The following PARP15 variants were observed in gnomAD, a reference collection of about 807,000 sequenced individuals.
PARP15 encodes protein mono-ADP-ribosyltransferase PARP15.
A neutral mutation model predicts 62.1 loss-of-function variants in PARP15; 50 were observed. The observed-to-expected ratio is 0.81, with a 90% CI of 0.64 to 1.02. PARP15 has a LOEUF of 1.02. PARP15 is among the 50% of genes least tolerant of loss of function. The pLI is 0.00. For missense variants in PARP15, 820 were observed against 826.5 expected (o/e 0.99, Z 0.10); for synonymous variants, 309 against 293.1 (o/e 1.05, Z -0.55).
Position 122,626,824 on chromosome 3 carries a change from C to G in PARP15, c.1232-3C>G. On this transcript the variant is annotated splice_polypyrimidine_tract_variant and splice_region_variant and intron_variant, in intron 8 of 11. Transcript: ENST00000464300. ...CTTCTTTGTCATTAAATTTTTTTTT[C>G]AGGAAATGCCGGAAAAAACCCTATC... is the stretch of plus-strand genomic sequence containing the variant. The G allele has an allele frequency of 6.3e-7, 1 of 1,596,976 alleles. No individual in the cohort carries two copies. The highest frequency in any genetic ancestry group is 8.5e-7 in the Non-Finnish European group (1 of 1,175,238).
chr3:122,580,692 C>T (rs1411684482), intron 1 of PARP15, among the ~76,000 whole-genome samples: 1 of 152,098 alleles, frequency 6.6e-6, no homozygotes, highest in African/African-American at 2.4e-5. Context: ...AATTTCCTTC[C>T]TTTTTAAGGC....
chr3:122,591,435 G>A (rs1933899591), intron 1 of PARP15, among the ~76,000 whole-genome samples: 1 of 152,148 alleles, frequency 6.6e-6, no homozygotes, highest in Admixed American at 6.5e-5. Context: ...TTCAGGGTGG[G>A]AGTAACACAC....
At chr3:122,612,260 G>T (rs1208401053) in intron 3 of PARP15, among the ~76,000 whole-genome samples, 1 of 150,746 alleles carries the variant, frequency 6.6e-6, no homozygotes, top group Non-Finnish European at 1.5e-5. Flanking sequence ...TCACCATGTT[G>T]CCCAGGCTGG....
intron 2 of PARP15, among the ~76,000 whole-genome samples, chr3:122,609,742 T>C (rs1935428932): frequency 6.6e-6 from 1 of 150,658 alleles, no homozygotes; most frequent in Non-Finnish European, 1.5e-5. Context: ...GATGAGAGTG[T>C]TTGTCTCCTC....
intron 9 of PARP15, among the ~76,000 whole-genome samples, chr3:122,627,237 G>A (rs1936793240): frequency 6.6e-6 from 1 of 152,216 alleles, no homozygotes; most frequent in Non-Finnish European, 1.5e-5. Flanking sequence ...GCAAAATCAT[G>A]CCTGGGAAAT....
At chr3:122,603,891 G>A (rs1226956723) in intron 1 of PARP15, among the ~76,000 whole-genome samples, 3 of 152,164 alleles carry the variant, frequency 2.0e-5, no homozygotes, top group Non-Finnish European at 4.4e-5. Flanking sequence ...TCCTTTTTGA[G>A]TGAGATCAGG....
intron 9 of PARP15, among the ~76,000 whole-genome samples, chr3:122,629,095 G>A (rs138610808): frequency 3.9e-4 from 60 of 152,314 alleles, no homozygotes; most frequent in African/African-American, 1.3e-3. Flanking sequence ...AAGTGTGATT[G>A]GCTTAAGTGT....
In PARP15 at chr3:122,604,785, C is replaced by T. The variant is rs886070686; in HGVS notation, c.187-1151C>T. Among the ~76,000 whole-genome samples the T allele has an allele frequency of 5.9e-5, 9 of 152,174 alleles. No homozygotes were observed. In the South Asian group the frequency reaches 1.0e-3, roughly 18 times the overall value. ...TTGAGGCAGGAGAATCACTTGAACC[C>T]GGGAGGCAGAGGTTGCAGTGAGCCA... is the stretch of plus-strand genomic sequence containing the variant. On this transcript the variant is annotated intron_variant, in intron 1 of 11. Transcript: ENST00000464300.
chr3:122,583,605 T>C (rs558472875), intron 1 of PARP15, among the ~76,000 whole-genome samples: 1 of 152,330 alleles, frequency 6.6e-6, no homozygotes, highest in African/African-American at 2.4e-5. Flanking sequence ...TGTATCTGGG[T>C]TACAGTTAAG....
At chr3:122,626,427 T>C (rs1225992130) in intron 8 of PARP15, among the ~76,000 whole-genome samples, 1 of 152,082 alleles carries the variant, frequency 6.6e-6, no homozygotes, top group Non-Finnish European at 1.5e-5. Flanking sequence ...TTCAATCTCC[T>C]GACCTCGTGA....
chr3:122,619,673 A>G (rs1347883978), intron 6 of PARP15, 108 bp from the exon 7 acceptor site: 3 of 959,042 alleles, frequency 3.1e-6, no homozygotes, highest in East Asian at 2.4e-5. Context: ...GGGGTGGTCA[A>G]TGGATTATGC....
chr3:122,622,929 C>T lies in PARP15; in HGVS notation c.1231+1318C>T, dbSNP rs114372894. Reference sequence around the variant, plus strand: ...TAAATTCCTGGTCTTACAGCCACCACCATCATTTTAGCTCAACTCTGTAGA... The same window carrying T: ...TAAATTCCTGGTCTTACAGCCACCATCATCATTTTAGCTCAACTCTGTAGA... On this transcript the variant is annotated intron_variant, in intron 8 of 11. Transcript: ENST00000464300. Among the ~76,000 whole-genome samples, 464 of 152,248 alleles carry T rather than the reference C, an allele frequency of 3.0e-3. 2 individuals carry two copies. The highest frequency in any genetic ancestry group is 5.1e-3 in the Non-Finnish European group (347 of 68,016).
chr3:122,615,193 CACACGACCA>C, intron 4 of PARP15: 6 of 1,249,840 alleles, frequency 4.8e-6, no homozygotes, highest in Non-Finnish European at 6.2e-6. Context: ...TTTTATCACT[CACACGACCA>C]AAATGCCTTT....
chr3:122,592,260 A>T (rs900679697), intron 1 of PARP15, among the ~76,000 whole-genome samples: 7 of 152,274 alleles, frequency 4.6e-5, no homozygotes, highest in African/African-American at 1.7e-4. Context: ...CTATACTGCC[A>T]TAAAAAGGAT....
chr3:122,615,249 G>C, intron 4 of PARP15: 1 of 1,285,572 alleles, frequency 7.8e-7, no homozygotes, highest in Non-Finnish European at 1.0e-6. Context: ...TTCAATGTCT[G>C]AGGTTTTCTA....
intron 1 of PARP15, among the ~76,000 whole-genome samples, chr3:122,593,589 A>G (rs548292134): frequency 6.6e-6 from 1 of 152,350 alleles, no homozygotes; most frequent in East Asian, 1.9e-4. Flanking sequence ...GCATTTGTAC[A>G]TCTTTTGATG....
intron 6 of PARP15, among the ~76,000 whole-genome samples, chr3:122,619,439 A>G (rs1936195310): frequency 2.0e-5 from 3 of 152,270 alleles, no homozygotes; most frequent in Admixed American, 6.5e-5. Context: ...CATGCTTCTC[A>G]GTATCAGAAC....
At chr3:122,586,586 T>TTATTA (rs1933448492) in intron 1 of PARP15, among the ~76,000 whole-genome samples, 1 of 152,232 alleles carries the variant, frequency 6.6e-6, no homozygotes, top group African/African-American at 2.4e-5. Flanking sequence ...CATTCTTAAC[T>TTATTA]TAGAACTATT....
chr3:122,602,517 T>A (rs1934877610), intron 1 of PARP15, among the ~76,000 whole-genome samples: 1 of 152,190 alleles, frequency 6.6e-6, no homozygotes, highest in Non-Finnish European at 1.5e-5. Context: ...GGCACAACCT[T>A]AATAAATCAC....
Sources: gnomAD v4.1 joint callset for allele counts (sites outside exome capture counted in the v4.1 genomes callset) on GRCh38, gnomAD v4.1.1 for gene constraint, MANE v1.5 for transcripts, NCBI Gene and HGNC (gene_info 2026-07-23, HGNC 2026-07-21) for gene names.